FLT3: variants seen among roughly 807,000 people sequenced by gnomAD.
FLT3 encodes receptor-type tyrosine-protein kinase FLT3.
Under a neutral mutation model 126.6 loss-of-function variants are expected in FLT3, and 46 were observed. The observed-to-expected ratio is 0.36, with a 90% CI of 0.29 to 0.46. FLT3 has a LOEUF of 0.46. FLT3 is among the 20% of genes least tolerant of loss of function. The probability of loss-of-function intolerance (pLI) is 1.00; values close to 1 mark genes in which losing one functional copy is unlikely to be tolerated. For synonymous variants in FLT3, 404 were observed against 434.4 expected (o/e 0.93, Z 0.87); for missense variants, 1,069 against 1,190.3 (o/e 0.90, Z 1.50).
intron 9 of FLT3, among the ~76,000 whole-genome samples, chr13:28,046,482 T>C (rs1874891220): frequency 6.6e-6 from 1 of 152,220 alleles, no homozygotes; most frequent in African/African-American, 2.4e-5. Flanking sequence ...CTGTTGGCTG[T>C]ATAAAGTAAA....
intron 15 of FLT3, among the ~76,000 whole-genome samples, chr13:28,033,234 G>T (rs560686688): frequency 0.067 from 10,137 of 151,890 alleles, 831 homozygotes; most frequent in African/African-American, 0.2. Context: ...CAAGGAGGTC[G>T]AGGCTGCAGT....
chr13:28,063,123 T>C (rs1195159104), intron 2 of FLT3, among the ~76,000 whole-genome samples: 2 of 152,138 alleles, frequency 1.3e-5, no homozygotes, highest in Non-Finnish European at 2.9e-5. Flanking sequence ...AAAAACCAAA[T>C]TTTCTGGGCA....
At chr13:28,047,021 G>GC (rs1355888170) in intron 9 of FLT3, among the ~76,000 whole-genome samples, 1 of 152,002 alleles carries the variant, frequency 6.6e-6, no homozygotes, top group Non-Finnish European at 1.5e-5. Context: ...GCTCTCAATA[G>GC]CCACATGTGG....
At chr13:28,042,174 AATAATAATAATAAT>A (rs1382437016) in intron 9 of FLT3, among the ~76,000 whole-genome samples, 5 of 143,700 alleles carry the variant, frequency 3.5e-5, no homozygotes, top group African/African-American at 1.2e-4. Flanking sequence ...TAATAATAAT[AATAATAATAATAAT>A]AAATAAAAAT....
Position 28,050,081 on chromosome 13 carries a change from T to C in FLT3, c.742+14A>G. 1 of 1,613,638 alleles carries C rather than the reference T, an allele frequency of 6.2e-7. No individual in the cohort carries two copies. The highest frequency in any genetic ancestry group is 8.5e-7 in the Non-Finnish European group (1 of 1,179,752). On this transcript the variant is annotated intron_variant, in intron 6 of 23. Coordinates refer to ENST00000241453, the MANE Select transcript of FLT3 (RefSeq NM_004119.3). ...GGTCACTGAAAATGAAAGTGCATGA[T>C]ATTATAGTGTTACCTATTGTGAACA...
intron 1 of FLT3, among the ~76,000 whole-genome samples, chr13:28,070,984 T>C (rs111952844): frequency 1.2e-3 from 160 of 138,374 alleles, no homozygotes; most frequent in Middle Eastern, 3.7e-3. Context: ...TGTATATAGA[T>C]TTCTACCTTT....
chr13:28,033,733 T>C (rs1470566340), intron 15 of FLT3, among the ~76,000 whole-genome samples, 154 bp downstream of exon 15: 1 of 152,228 alleles, frequency 6.6e-6, no homozygotes, highest in Admixed American at 6.5e-5. Context: ...TTTGTATTCA[T>C]GACTGGGTTG....
intron 1 of FLT3, among the ~76,000 whole-genome samples, chr13:28,084,674 T>C (rs1437683702): frequency 1.3e-5 from 2 of 152,146 alleles, no homozygotes; most frequent in South Asian, 2.1e-4. Context: ...TTTGTATGTA[T>C]TGAATCTTTT....
At chr13:28,006,052 A>G (rs1478848330) in intron 23 of FLT3, among the ~76,000 whole-genome samples, 1 of 152,194 alleles carries the variant, frequency 6.6e-6, no homozygotes, top group Non-Finnish European at 1.5e-5. Flanking sequence ...TGAGGCCAAG[A>G]GTTCAAGACC....
chr13:28,098,594 A>G (rs549789990), intron 1 of FLT3, among the ~76,000 whole-genome samples: 1 of 152,346 alleles, frequency 6.6e-6, no homozygotes, highest in South Asian at 2.1e-4. Flanking sequence ...TCCCTTCCCT[A>G]TGATCCAGGA....
chr13:28,027,257 T>G lies in FLT3; in HGVS notation c.2054-16A>C, dbSNP rs547378200. ...TAAATTGGTCCTGAAATAGTTACAG[T>G]TTCAATTATAGGCATACACAAAGCA... On this transcript the variant is annotated splice_polypyrimidine_tract_variant and intron_variant, in intron 16 of 23. Transcript: ENST00000241453. 2.5e-6 allele frequency: 4 copies of G among 1,602,722 alleles called. No individual in the cohort carries two copies. The African/African-American group carries it at 5.4e-5, about 21-fold the overall frequency.
intron 4 of FLT3, among the ~76,000 whole-genome samples, chr13:28,053,113 G>C (rs1038483913): frequency 6.6e-6 from 1 of 151,800 alleles, no homozygotes; most frequent in African/African-American, 2.4e-5. Context: ...AACATGGTAG[G>C]GTGGAGTTGG....
intron 1 of FLT3, among the ~76,000 whole-genome samples, chr13:28,084,740 C>G (rs1428852820): frequency 6.6e-6 from 1 of 152,024 alleles, no homozygotes; most frequent in African/African-American, 2.4e-5. Context: ...CTTTGGGAGG[C>G]CGAGGAGGGC....
chr13:28,067,386 G>A (rs886577483), intron 2 of FLT3, among the ~76,000 whole-genome samples: 3 of 152,108 alleles, frequency 2.0e-5, no homozygotes, highest in Non-Finnish European at 2.9e-5. Flanking sequence ...ACAAATCTGC[G>A]GGCTTCAGAG....
rs762305411 is a variant in FLT3 at position 28,037,212 on chromosome 13, T to C, written c.1282A>G (p.Thr428Ala). 1 of 1,605,804 alleles carries C rather than the reference T, an allele frequency of 6.2e-7. No homozygotes were observed. Among genetic ancestry groups the C allele is most frequent in the South Asian group, 1.1e-5 (1 of 90,904 alleles). Residue 428 changes from threonine to alanine, a missense_variant, in exon 10 of 24, where the codon ACC becomes GCC. Transcript: ENST00000241453. ...CTTATATTCAGCGTGAACATTTTGG[T>C]AAATTGGGCATCATCATTTTCTGCA... ...FHAENDDAQF[T>A]KMFTLNIRRK...
chr13:28,091,378 C>T lies in FLT3; in HGVS notation c.43+9090G>A, dbSNP rs370872831. Among the ~76,000 whole-genome samples, 382 of 149,366 alleles carry T rather than the reference C, an allele frequency of 2.6e-3. 5 individuals are homozygous for T. Among genetic ancestry groups the T allele is most frequent in the Middle Eastern group, 3.5e-3 (1 of 288 alleles). On this transcript the variant is annotated intron_variant, in intron 1 of 23. Coordinates refer to ENST00000241453, the MANE Select transcript of FLT3 (RefSeq NM_004119.3). ...CTGGGACTACAGGCGCCCGCCACCA[C>T]GCCCGGCTAATTTTTTGTATTTTTA... is the stretch of plus-strand genomic sequence containing the variant.
chr13:28,050,345 G>A (rs553438779), intron 5 of FLT3, 123 bp from the exon 6 acceptor site: 1 of 871,912 alleles, frequency 1.1e-6, no homozygotes, highest in Non-Finnish European at 1.8e-6. Flanking sequence ...AAGGTCAAAA[G>A]GTAAACAAGC....
At position 28,023,413 on chromosome 13, in the gene FLT3, A is replaced by G. The variant is rs766704135; in HGVS notation, c.2355T>C (p.Phe785=). ...EEEEDLNVLT[F]EDLLCFAYQV... ...GATATGCAAAGCAAAGAAGATCTTC[A>G]AATGTAAGCACATTCAAGTCCTCCT... is the stretch of plus-strand genomic sequence containing the variant. Residue 785 remains phenylalanine (F), a synonymous_variant, in exon 19 of 24, where the codon TTT becomes TTC. Transcript: ENST00000241453. The G allele has an allele frequency of 6.2e-7, 1 of 1,613,994 alleles. No individual in the cohort carries two copies. The highest frequency in any genetic ancestry group is 8.5e-7 in the Non-Finnish European group (1 of 1,179,870).
chr13:28,056,499 C>T (rs1300375260), intron 4 of FLT3, among the ~76,000 whole-genome samples: 1 of 152,216 alleles, frequency 6.6e-6, no homozygotes, highest in Admixed American at 6.5e-5. Flanking sequence ...ATGCAGACAC[C>T]TTTAGTCCTT....
Sources: gnomAD v4.1 joint callset for allele counts (sites outside exome capture counted in the v4.1 genomes callset) on GRCh38, gnomAD v4.1.1 for gene constraint, MANE v1.5 for transcripts, NCBI Gene and HGNC (gene_info 2026-07-23, HGNC 2026-07-21) for gene names.